Variants in CHLSN observed in about 807,000 individuals in gnomAD.
The protein encoded by CHLSN is cholesin.
chr7:1,121,029 T>C, the CHLSN span, among the ~76,000 whole-genome samples: 31 of 150,126 alleles, frequency 2.1e-4, no homozygotes, highest in African/African-American at 7.4e-4. Context: ...TGGACTATTT[T>C]ACTCAGCCAC....
chr7:1,017,131 G>A, the CHLSN span, among the ~76,000 whole-genome samples: 2 of 152,262 alleles, frequency 1.3e-5, no homozygotes, highest in Non-Finnish European at 2.9e-5. Context: ...CGCGGGCCCA[G>A]AGCACCTCAG....
At chr7:1,052,338 T>C in the CHLSN span, among the ~76,000 whole-genome samples, 1 of 152,072 alleles carries the variant, frequency 6.6e-6, no homozygotes, top group South Asian at 2.1e-4. The surrounding 1 kb of genome is among the most constrained non-coding windows in gnomAD (Gnocchi z 4.2). Context: ...GGTGCCTCCC[T>C]AGGGGAGGGC....
At chr7:1,016,064 C>T in the CHLSN span, among the ~76,000 whole-genome samples, 22 of 150,470 alleles carry the variant, frequency 1.5e-4, 1 homozygote, top group African/African-American at 4.7e-4. Context: ...CAGCAGCACA[C>T]GCCAGCGCAC....
the CHLSN span, among the ~76,000 whole-genome samples, chr7:1,132,505 C>A: frequency 6.6e-6 from 1 of 152,168 alleles, no homozygotes; most frequent in African/African-American, 2.4e-5. Context: ...CCAGCCTGGG[C>A]AACATGGTGA....
the CHLSN span, among the ~76,000 whole-genome samples, chr7:1,112,000 T>G: frequency 1.3e-5 from 2 of 152,196 alleles, no homozygotes; most frequent in East Asian, 1.9e-4. Flanking sequence ...TATTTTCTAA[T>G]TTCTTTTACA....
the CHLSN span, among the ~76,000 whole-genome samples, chr7:1,052,201 T>C: frequency 1.3e-5 from 2 of 152,192 alleles, no homozygotes; most frequent in Admixed American, 1.3e-4. This position sits in a 1 kb window ranked among gnomAD's most constrained non-coding sequence, Gnocchi z 4.2. Flanking sequence ...TGAGGCCTGC[T>C]CCAGGCTGAG....
the CHLSN span, among the ~76,000 whole-genome samples, chr7:1,132,973 G>A: frequency 6.6e-6 from 1 of 152,152 alleles, no homozygotes; most frequent in Non-Finnish European, 1.5e-5. Flanking sequence ...CCATAAAAAT[G>A]TGTCCAATGA....
At chr7:1,096,083 T>C in the CHLSN span, among the ~76,000 whole-genome samples, 1 of 152,216 alleles carries the variant, frequency 6.6e-6, no homozygotes, top group African/African-American at 2.4e-5. The surrounding 1 kb of genome is among the most constrained non-coding windows in gnomAD (Gnocchi z 4.6). Context: ...GTGCTGACTG[T>C]GGCGTCCTTC....
At chr7:1,093,564 C>T in the CHLSN span, 1 of 471,128 alleles carries the variant, frequency 2.1e-6, no homozygotes, top group Non-Finnish European at 4.4e-6. Context: ...GTGGTTCAGT[C>T]ACTGCTTGTT....
chr7:1,041,281 CTCCGCGCTGCGGGGAAGGGGACCTGGGG>C, the CHLSN span, among the ~76,000 whole-genome samples: 142 of 90,430 alleles, frequency 1.6e-3, 8 homozygotes, highest in Non-Finnish European at 2.6e-3. Context: ...GGGACCTGGG[CTCCGCGCTGCGGGGAAGGGGACCTGGGG>C]TCCGCGCTGC....
At chr7:1,099,605 G>C in the CHLSN span, among the ~76,000 whole-genome samples, 1 of 152,198 alleles carries the variant, frequency 6.6e-6, no homozygotes, top group African/African-American at 2.4e-5. Flanking sequence ...TAAAAATGGA[G>C]GAAAAGAGCG....
the CHLSN span, among the ~76,000 whole-genome samples, chr7:1,115,475 C>A: frequency 2.0e-5 from 3 of 152,096 alleles, no homozygotes; most frequent in Admixed American, 6.5e-5. Context: ...CACCAACGCC[C>A]ACGCAGGATG....
At chr7:1,092,912 G>A in the CHLSN span, 3 of 1,516,708 alleles carry the variant, frequency 2.0e-6, no homozygotes, top group East Asian at 2.3e-5. Flanking sequence ...GCACACACCT[G>A]GGTGGACACA....
At chr7:1,051,411 G>C in the CHLSN span, among the ~76,000 whole-genome samples, 17 of 152,352 alleles carry the variant, frequency 1.1e-4, 1 homozygote, top group African/African-American at 4.1e-4. Context: ...CGCACAGCGT[G>C]GGGAGCACAT....
At chr7:1,080,310 C>A in the CHLSN span, among the ~76,000 whole-genome samples, 22 of 152,266 alleles carry the variant, frequency 1.4e-4, no homozygotes, top group African/African-American at 4.8e-4. Context: ...ATGTCGCTCC[C>A]ACGATGGCGG....
At chr7:1,047,199 C>T in the CHLSN span, among the ~76,000 whole-genome samples, 1 of 152,248 alleles carries the variant, frequency 6.6e-6, no homozygotes. Context: ...GCTGCAGGCA[C>T]AGGTGCCCAG....
the CHLSN span, among the ~76,000 whole-genome samples, chr7:1,044,346 C>A: frequency 6.6e-6 from 1 of 152,270 alleles, no homozygotes; most frequent in Non-Finnish European, 1.5e-5. Context: ...GGGAATCTCG[C>A]ACGAGTTCGT....
the CHLSN span, among the ~76,000 whole-genome samples, chr7:1,041,199 C>G: frequency 6.6e-5 from 10 of 152,342 alleles, no homozygotes; most frequent in South Asian, 4.1e-4. Flanking sequence ...GACTTGGGCT[C>G]CGCACTGCAG....
At chr7:1,040,183 TAAAAAAAAA>T in the CHLSN span, among the ~76,000 whole-genome samples, 1 of 74,530 alleles carries the variant, frequency 1.3e-5, no homozygotes, top group South Asian at 4.8e-4. Context: ...AAAATAAATT[TAAAAAAAAA>T]AAAAAAAAAA....
Sources: allele counts gnomAD v4.1 joint callset (sites outside exome capture counted in the v4.1 genomes callset), GRCh38; gene constraint gnomAD v4.1.1; non-coding constraint Gnocchi (gnomAD v3.1); transcripts MANE v1.5; gene names NCBI Gene and HGNC (gene_info 2026-07-23, HGNC 2026-07-21).